The following SLC22A16 variants were observed in gnomAD, a reference collection of about 807,000 sequenced individuals.
SLC22A16 encodes WUGSC:RG331P03.1.
SLC22A16 carries 53 observed loss-of-function variants against 52.9 expected under a neutral mutation model. That is an observed-to-expected ratio of 1.00 (90% CI 0.80 to 1.26). The LOEUF (loss-of-function observed/expected upper bound fraction) is 1.26, where lower values mean the gene tolerates loss of function less well. Among genes scored for constraint, SLC22A16 ranks in the 50% most tolerant of loss-of-function variants. The pLI is 0.00. For missense variants in SLC22A16, 726 were observed against 704.0 expected (o/e 1.03, Z -0.35); for synonymous variants, 291 against 268.8 (o/e 1.08, Z -0.81).
At chr6:110,463,157 G>A (rs1775944896) in intron 1 of SLC22A16, among the ~76,000 whole-genome samples, 1 of 152,034 alleles carries the variant, frequency 6.6e-6, no homozygotes, top group Middle Eastern at 3.2e-3. Flanking sequence ...GACAATACTT[G>A]CCACAGTAAA....
At chr6:110,474,705 A>G (rs1194235822) in intron 1 of SLC22A16, among the ~76,000 whole-genome samples, 2 of 152,252 alleles carry the variant, frequency 1.3e-5, no homozygotes, top group Non-Finnish European at 2.9e-5. Context: ...CAGCTGCTCC[A>G]GGCACAGACA....
chr6:110,426,131 G>T (rs959465951), intron 7 of SLC22A16, among the ~76,000 whole-genome samples: 1 of 152,122 alleles, frequency 6.6e-6, no homozygotes, highest in South Asian at 2.1e-4. Flanking sequence ...AGAAATATAC[G>T]AAATATATGA....
At position 110,446,898 on chromosome 6, in the gene SLC22A16, A is replaced by G. The variant is rs535375373; in HGVS notation, c.626T>C (p.Met209Thr). The G allele has an allele frequency of 1.9e-6, 3 of 1,613,526 alleles. No individual in the cohort carries two copies. Among genetic ancestry groups the G allele is most frequent in the East Asian group, 2.2e-5 (1 of 44,890 alleles). ...AAFAVDYYTF[M>T]AARFFLAMVA... ...CATGGCAAGAAAAAAGCGAGCAGCCATGAAGGTGTAATAATCAACTGCAAA... is the reference window on the plus strand; with the variant it reads ...CATGGCAAGAAAAAAGCGAGCAGCCGTGAAGGTGTAATAATCAACTGCAAA... Residue 209 changes from methionine to threonine, a missense_variant, in exon 3 of 8, where the codon ATG becomes ACG. Coordinates refer to ENST00000368919, the MANE Select transcript of SLC22A16 (RefSeq NM_033125.4).
At chr6:110,430,589 G>A (rs1011877421) in intron 7 of SLC22A16, among the ~76,000 whole-genome samples, 1 of 152,142 alleles carries the variant, frequency 6.6e-6, no homozygotes, top group African/African-American at 2.4e-5. Context: ...AGGTGCAGCA[G>A]TGCTCACGTG....
rs958852606 is a variant in SLC22A16 at position 110,439,815 on chromosome 6, A to G, written c.1184-968T>C. Among the ~76,000 whole-genome samples the G allele has an allele frequency of 8.5e-5, 13 of 152,216 alleles. No homozygotes were observed. The South Asian group carries it at 1.0e-3, about 12-fold the overall frequency. The stretch of plus-strand genomic sequence containing the variant: ...CTAGGAGTCACATCTCAAGCTATCT[A>G]AAGTGATTTAACCTGCCATTAAAAT... On this transcript the variant is annotated intron_variant, in intron 4 of 7. Coordinates refer to ENST00000368919, the MANE Select transcript of SLC22A16 (RefSeq NM_033125.4).
In SLC22A16 at chr6:110,441,309, G is replaced by A. The variant is rs1349975948; in HGVS notation, c.1183+935C>T. Among the ~76,000 whole-genome samples the A allele has an allele frequency of 2.0e-5, 3 of 152,150 alleles. No homozygotes were observed. The South Asian group carries it at 6.2e-4, about 32-fold the overall frequency. ...AGTTGAGCAAACTTTCCACTCAATG[G>A]GTGCCAAAACAGTTGTGCCCAGATC... On this transcript the variant is annotated intron_variant, in intron 4 of 7. Transcript: ENST00000368919.
rs748722120 is a variant in SLC22A16 at position 110,456,784 on chromosome 6, C to T, written c.287G>A (p.Trp96Ter). Reference protein sequence around the residue: ...VTVQLQNGEIWELSRCSRNKR... With the variant: ...VTVQLQNGEI Reference sequence around the variant, plus strand: ...ATTCCTGCTACACCTTGAGAGCTCCCAGATCTCACCATTCTGCAACTGCAC... The same window carrying T: ...ATTCCTGCTACACCTTGAGAGCTCCTAGATCTCACCATTCTGCAACTGCAC... Residue 96 changes from tryptophan to a stop codon, truncating the protein, a stop_gained, in exon 2 of 8, where the codon TGG becomes TAG. Transcript: ENST00000368919. LOFTEE classifies it high-confidence loss of function. 6.2e-6 allele frequency: 10 copies of T among 1,614,068 alleles called. No homozygotes were observed. Among genetic ancestry groups the T allele is most frequent in the Admixed American group, 1.7e-5 (1 of 59,994 alleles).
rs559428050 is a variant in SLC22A16, at chr6:110,434,644, G to C, written c.1421+1208C>G. ...AGGGTGTCGGGGGGGCGGGTGGGGCGGGCAGGGTGGCAACTCAGAGTCACC... is the reference window on the plus strand; with the variant it reads ...AGGGTGTCGGGGGGGCGGGTGGGGCCGGCAGGGTGGCAACTCAGAGTCACC... On this transcript the variant is annotated intron_variant, in intron 6 of 7. Transcript: ENST00000368919. Among the ~76,000 whole-genome samples, 20 of 149,980 alleles carry C rather than the reference G, an allele frequency of 1.3e-4. No individual in the cohort carries two copies. The East Asian group carries it at 3.3e-3, about 25-fold the overall frequency.
chr6:110,429,475 T>G (rs188996781), intron 7 of SLC22A16, among the ~76,000 whole-genome samples: 1 of 152,352 alleles, frequency 6.6e-6, no homozygotes, highest in East Asian at 1.9e-4. Context: ...TAGTGTCTTT[T>G]AGAAAAACAC....
chr6:110,441,849 C>T lies in SLC22A16; in HGVS notation c.1183+395G>A, dbSNP rs117250906. Among the ~76,000 whole-genome samples, 306 of 152,218 alleles carry T rather than the reference C, an allele frequency of 2.0e-3. 2 individuals carry two copies. In the East Asian group the frequency reaches 0.031, roughly 15 times the overall value. On this transcript the variant is annotated intron_variant, in intron 4 of 7. Transcript: ENST00000368919. Reference sequence around the variant, plus strand: ...TTCCTAATCTTAAAAAGTCTGTACGCGGCACCCATTTTTCTTCAGTTAATA... The same window carrying T: ...TTCCTAATCTTAAAAAGTCTGTACGTGGCACCCATTTTTCTTCAGTTAATA...
chr6:110,467,398 A>T (rs1486539394), intron 1 of SLC22A16, among the ~76,000 whole-genome samples: 3 of 152,146 alleles, frequency 2.0e-5, no homozygotes, highest in Non-Finnish European at 4.4e-5. Context: ...TGATTTTTTT[A>T]AAGAACACCA....
intron 4 of SLC22A16, 58 bp from the exon 5 acceptor site, chr6:110,438,905 C>G: frequency 6.3e-7 from 1 of 1,598,816 alleles, no homozygotes; most frequent in Non-Finnish European, 8.5e-7. Flanking sequence ...AAAGGGGACC[C>G]CCGTCTTCTA....
intron 2 of SLC22A16, chr6:110,455,639 T>G (rs558321163): frequency 6.6e-6 from 1 of 152,326 alleles, no homozygotes; most frequent in Admixed American, 6.5e-5. Flanking sequence ...ATATTCATTT[T>G]AATGTAAATT....
intron 1 of SLC22A16, among the ~76,000 whole-genome samples, chr6:110,471,414 T>C (rs67202283): frequency 0.21 from 32,119 of 152,096 alleles, 5,195 homozygotes; most frequent in African/African-American, 0.45. Context: ...TTAAGCAAAA[T>C]ATAACCCTAC....
chr6:110,434,148 G>A (rs1351072883), intron 6 of SLC22A16, among the ~76,000 whole-genome samples: 1 of 152,112 alleles, frequency 6.6e-6, no homozygotes, highest in Non-Finnish European at 1.5e-5. Context: ...GCTGAGGCAG[G>A]AGAATCACCT....
At chr6:110,449,865 C>A (rs1775306192) in intron 2 of SLC22A16, among the ~76,000 whole-genome samples, 2 of 152,198 alleles carry the variant, frequency 1.3e-5, no homozygotes, top group Admixed American at 6.5e-5. Context: ...TCCACACTTC[C>A]TAGAAATAAA....
intron 7 of SLC22A16, among the ~76,000 whole-genome samples, chr6:110,428,962 T>C (rs1274171315): frequency 2.0e-5 from 3 of 152,166 alleles, no homozygotes; most frequent in Non-Finnish European, 4.4e-5. Flanking sequence ...AAATATCTGT[T>C]AAATAAAATT....
chr6:110,458,893 A>G (rs1235407699), intron 1 of SLC22A16, among the ~76,000 whole-genome samples: 1 of 152,146 alleles, frequency 6.6e-6, no homozygotes, highest in Non-Finnish European at 1.5e-5. Context: ...GAATTACACC[A>G]CTAGCTTTCC....
chr6:110,427,151 G>C (rs945721204), intron 7 of SLC22A16, among the ~76,000 whole-genome samples: 2 of 150,834 alleles, frequency 1.3e-5, no homozygotes, highest in Non-Finnish European at 2.9e-5. Context: ...GGGAGGCTGA[G>C]GTGGGAGAAT....
Sources: gnomAD v4.1 joint callset for allele counts (sites outside exome capture counted in the v4.1 genomes callset) on GRCh38, gnomAD v4.1.1 for gene constraint, MANE v1.5 for transcripts, NCBI Gene and HGNC (gene_info 2026-07-23, HGNC 2026-07-21) for gene names.